The following BTG4 variants were observed in gnomAD, a reference collection of about 807,000 sequenced individuals.
BTG4 encodes the protein protein BTG4.
Under a neutral mutation model 19.3 loss-of-function variants are expected in BTG4, and 10 were observed. The ratio of observed to expected loss-of-function variants is 0.52; its 90% CI spans 0.32 to 0.88. The LOEUF is 0.88. BTG4 is among the 40% of genes least tolerant of loss of function. BTG4 has a pLI of 0.04. For missense variants in BTG4, 238 were observed against 281.9 expected, an observed-to-expected ratio of 0.84 and a Z score of 1.11; for synonymous variants, 91 against 95.7, an observed-to-expected ratio of 0.95 and a Z score of 0.29.
the BTG4 span, among the ~76,000 whole-genome samples, chr11:111,411,089 G>A: frequency 6.6e-6 from 1 of 152,160 alleles, no homozygotes; most frequent in Non-Finnish European, 1.5e-5. Flanking sequence ...TTCTTCCACA[G>A]TAACAGCAGC....
the BTG4 span, among the ~76,000 whole-genome samples, chr11:111,461,705 C>T: frequency 1.7e-4 from 26 of 152,230 alleles, no homozygotes; most frequent in African/African-American, 6.0e-4. Context: ...CAACATGAGA[C>T]TCCGTCTCAA....
chr11:111,466,592 AGGATGGATGGGTGGGT>A (rs1863733865), downstream of BTG4: 1 of 152,274 alleles, frequency 6.6e-6, no homozygotes. Flanking sequence ...ATAGCACAGG[AGGATGGATGGGTGGGT>A]GGATGGATGG....
downstream of BTG4, among the ~76,000 whole-genome samples, chr11:111,490,897 C>T (rs1865376544): frequency 6.6e-6 from 1 of 152,172 alleles, no homozygotes; most frequent in South Asian, 2.1e-4. Flanking sequence ...TTTTATTTCT[C>T]TGGAATAAAT....
chr11:111,391,880 C>T, the BTG4 span, among the ~76,000 whole-genome samples: 73 of 152,232 alleles, frequency 4.8e-4, 1 homozygote, highest in African/African-American at 1.6e-3. Flanking sequence ...GAATTAACTA[C>T]GGTTGAAACT....
At chr11:111,397,306 C>A in the BTG4 span, among the ~76,000 whole-genome samples, 1 of 151,970 alleles carries the variant, frequency 6.6e-6, no homozygotes, top group Non-Finnish European at 1.5e-5. Flanking sequence ...AGTCTAAATC[C>A]TTCATCTAAC....
chr11:111,460,043 C>G, the BTG4 span, among the ~76,000 whole-genome samples: 1 of 152,180 alleles, frequency 6.6e-6, no homozygotes, highest in Non-Finnish European at 1.5e-5. Context: ...CACCACCCAC[C>G]CCCACGCCAG....
downstream of BTG4, among the ~76,000 whole-genome samples, chr11:111,493,072 G>T (rs1865514780): frequency 6.6e-6 from 1 of 152,132 alleles, no homozygotes; most frequent in Non-Finnish European, 1.5e-5. Context: ...CTTGAACCTG[G>T]GAGGCGGAGG....
chr11:111,391,932 T>C, the BTG4 span, among the ~76,000 whole-genome samples: 1 of 152,116 alleles, frequency 6.6e-6, no homozygotes, highest in East Asian at 1.9e-4. Context: ...CTGGCTCTCA[T>C]TGCGTTCCAT....
downstream of BTG4, chr11:111,464,567 G>A (rs879574082): frequency 6.6e-6 from 1 of 152,204 alleles, no homozygotes; most frequent in Non-Finnish European, 1.5e-5. Flanking sequence ...AGATAAAGCT[G>A]ACATCATCTG....
At chr11:111,456,818 G>C in the BTG4 span, 20 of 266,864 alleles carry the variant, frequency 7.5e-5, no homozygotes, top group Non-Finnish European at 1.5e-4. This position sits in a 1 kb window ranked among gnomAD's most constrained non-coding sequence, Gnocchi z 4.2. Flanking sequence ...GGACTCTCAG[G>C]AATGAGCTCC....
At chr11:111,406,787 A>T in the BTG4 span, among the ~76,000 whole-genome samples, 1 of 152,272 alleles carries the variant, frequency 6.6e-6, no homozygotes, top group African/African-American at 2.4e-5. Flanking sequence ...ATATCTGCAG[A>T]CCTGAAGCAA....
chr11:111,468,110 A>C (rs1863826424), intron 5 of BTG4, among the ~76,000 whole-genome samples: 1 of 152,218 alleles, frequency 6.6e-6, no homozygotes, highest in African/African-American at 2.4e-5. Context: ...TGAGAGGAGA[A>C]ACTGCTCATC....
chr11:111,493,814 T>C (rs1280055101), downstream of BTG4, among the ~76,000 whole-genome samples: 1 of 152,090 alleles, frequency 6.6e-6, no homozygotes, highest in Non-Finnish European at 1.5e-5. Context: ...GAACCATCGT[T>C]TCTAGAAAAA....
At chr11:111,467,066 G>C (rs1275569455), downstream of BTG4, among the ~76,000 whole-genome samples, 1 of 152,206 alleles carries the variant, frequency 6.6e-6, no homozygotes, top group Non-Finnish European at 1.5e-5. Flanking sequence ...CCAATCCAAA[G>C]TCTAATCTCT....
chr11:111,461,696 A>G, the BTG4 span, among the ~76,000 whole-genome samples: 1 of 152,212 alleles, frequency 6.6e-6, no homozygotes, highest in Non-Finnish European at 1.5e-5. Context: ...CCTCAGCAAC[A>G]ACATGAGACT....
Position 111,486,974 on chromosome 11 carries a change from C to G in BTG4, c.662+8189G>C, listed in dbSNP as rs551204801. 2.5e-4 allele frequency among the ~76,000 whole-genome samples: 38 copies of G among 152,170 alleles called. No individual in the cohort carries two copies. The Middle Eastern group carries it at 0.01, about 41-fold the overall frequency. ...ATTTTATCCTGATGCTCTCCCTCCC[C>G]CCGCCTCCTCCCTGACAGGCCCCAG... On this transcript the variant is annotated intron_variant, in intron 5 of 5. Coordinates refer to the BTG4 transcript ENST00000356018.
the BTG4 span, among the ~76,000 whole-genome samples, chr11:111,442,938 T>C: frequency 6.6e-6 from 1 of 152,166 alleles, no homozygotes; most frequent in African/African-American, 2.4e-5. Flanking sequence ...GTGTGGGCTG[T>C]ACATAGTGAT....
At position 111,509,911 on chromosome 11, in the gene BTG4, CTTTTTTT is replaced by C. The variant is rs1450409427; in HGVS notation, c.-27+2263_-27+2269del. On this transcript the variant is annotated intron_variant, in intron 1 of 4. Transcript: ENST00000692032. ...TCTTTTTTTTTCTTTTTTCTTTTTT[CTTTTTTT>C]TTTTTTTTTTTGAGATGGAGTCTTG... Among the ~76,000 whole-genome samples, 12 of 114,724 alleles carry C rather than the reference CTTTTTTT, an allele frequency of 1.0e-4. No individual in the cohort carries two copies. The East Asian group carries it at 1.2e-3, about 12-fold the overall frequency. 75.3% of individuals were successfully genotyped at this position (114,724 alleles called of 152,430 possible).
At position 111,482,499 on chromosome 11, in the gene BTG4, A is replaced by C. The variant is rs189255986; in HGVS notation, c.662+12664T>G. On this transcript the variant is annotated intron_variant, in intron 5 of 5. Transcript: ENST00000356018. Reference sequence around the variant, plus strand: ...AAGGGAAAGAAACTGGAATAGCTAAAGTAATTTTTAGAAAGAATAAAGTGG... The same window carrying C: ...AAGGGAAAGAAACTGGAATAGCTAACGTAATTTTTAGAAAGAATAAAGTGG... 5.9e-3 allele frequency among the ~76,000 whole-genome samples: 892 copies of C among 152,278 alleles called. 13 individuals carry two copies. The highest frequency in any genetic ancestry group is 0.021 in the African/African-American group (856 of 41,572).
Sources: gnomAD v4.1 joint callset for allele counts (sites outside exome capture counted in the v4.1 genomes callset) on GRCh38, gnomAD v4.1.1 for gene constraint, Gnocchi (gnomAD v3.1) non-coding constraint, MANE v1.5 for transcripts, NCBI Gene and HGNC (gene_info 2026-07-23, HGNC 2026-07-21) for gene names.